Variants in RIN2 observed in about 807,000 individuals in gnomAD.
RIN2 encodes the protein Ras and Rab interactor 2, also known as RAB5 interacting protein 2.
A neutral mutation model predicts 78.0 loss-of-function variants in RIN2; 36 were observed. That is an observed-to-expected ratio of 0.46 (90% CI 0.35 to 0.61). The LOEUF (loss-of-function observed/expected upper bound fraction) is 0.61. Ranked by LOEUF, RIN2 falls within the 20% of genes least tolerant of loss-of-function variation. RIN2 has a pLI of 0.00. For missense variants in RIN2, 1,087 were observed against 1,159.7 expected (o/e 0.94, Z 0.91); for synonymous variants, 466 against 466.8 (o/e 1.00, Z 0.02).
intron 1 of RIN2, among the ~76,000 whole-genome samples, chr20:19,787,529 T>C (rs1196447442): frequency 1.3e-5 from 2 of 151,880 alleles, no homozygotes; most frequent in Non-Finnish European, 2.9e-5. Context: ...TAGTGATTAA[T>C]GTCATGGAGT....
At chr20:19,777,821 T>G (rs554150169) in intron 1 of RIN2, among the ~76,000 whole-genome samples, 36 of 152,324 alleles carry the variant, frequency 2.4e-4, no homozygotes, top group South Asian at 4.1e-4. Flanking sequence ...GCCTTCCTGG[T>G]TTTTTAATTT....
intron 3 of RIN2, among the ~76,000 whole-genome samples, chr20:19,911,416 T>C (rs1033517234): frequency 1.1e-4 from 17 of 152,242 alleles, no homozygotes; most frequent in African/African-American, 3.9e-4. Flanking sequence ...ATATGTAGTC[T>C]GTTTTCTGAA....
At chr20:19,815,722 G>A (rs192664044) in intron 2 of RIN2, among the ~76,000 whole-genome samples, 6 of 152,202 alleles carry the variant, frequency 3.9e-5, no homozygotes, top group Middle Eastern at 3.4e-3. Context: ...ATTCATTGCC[G>A]TTGACTTCCT....
intron 1 of RIN2, among the ~76,000 whole-genome samples, chr20:19,796,209 G>A (rs1446931885): frequency 1.3e-5 from 2 of 152,164 alleles, no homozygotes; most frequent in Non-Finnish European, 2.9e-5. Flanking sequence ...GAAGGATTTG[G>A]TCCATAGTAA....
chr20:19,941,364 A>G (rs1365695042), intron 4 of RIN2, among the ~76,000 whole-genome samples: 1 of 152,190 alleles, frequency 6.6e-6, no homozygotes, highest in Non-Finnish European at 1.5e-5. Flanking sequence ...AAAGATGCCC[A>G]GAGTTCCACT....
chr20:19,962,112 G>A (rs963297256), intron 6 of RIN2, among the ~76,000 whole-genome samples: 5 of 149,802 alleles, frequency 3.3e-5, no homozygotes, highest in Non-Finnish European at 5.9e-5. Context: ...ACCAGCCTGG[G>A]CAACATGGCA....
chr20:19,931,208 T>A (rs569410094), intron 3 of RIN2, among the ~76,000 whole-genome samples: 1 of 152,334 alleles, frequency 6.6e-6, no homozygotes, highest in South Asian at 2.1e-4. Context: ...CCCATACATA[T>A]TAGGATAGCC....
chr20:19,767,991 A>G (rs1178213011), intron 1 of RIN2, among the ~76,000 whole-genome samples: 1 of 151,584 alleles, frequency 6.6e-6, no homozygotes, highest in East Asian at 1.9e-4. Context: ...TGTGACCCAG[A>G]CCCTCTGAGG....
chr20:19,856,208 G>A lies in RIN2; in HGVS notation c.-36-33358G>A, dbSNP rs752765400. ...TTTGCTTTTATTTTCCTTGTAATGC[G>A]CATGGGAAAAACTGTGCATGACGAC... On this transcript the variant is annotated intron_variant, in intron 2 of 12. Coordinates refer to ENST00000255006, the MANE Select transcript of RIN2 (RefSeq NM_018993.4). 5.9e-4 allele frequency among the ~76,000 whole-genome samples: 90 copies of A among 152,122 alleles called. 1 individual carries two copies. The highest frequency in any genetic ancestry group is 1.1e-3 in the Non-Finnish European group (78 of 68,008).
intron 2 of RIN2, among the ~76,000 whole-genome samples, chr20:19,844,297 T>C (rs1272620215): frequency 6.6e-6 from 1 of 152,196 alleles, no homozygotes; most frequent in African/African-American, 2.4e-5. Context: ...TACTAAGATA[T>C]AAGCTAAAGG....
intron 3 of RIN2, among the ~76,000 whole-genome samples, chr20:19,892,718 C>T (rs1199730947): frequency 6.6e-6 from 1 of 152,212 alleles, no homozygotes; most frequent in East Asian, 1.9e-4. Flanking sequence ...TTTGCTGTAA[C>T]AATTATTCCG....
At position 19,878,797 on chromosome 20, in the gene RIN2, A is replaced by G. The variant is rs2037934847; in HGVS notation, c.-36-10769A>G. Among the ~76,000 whole-genome samples the G allele has an allele frequency of 2.0e-5, 3 of 152,126 alleles. No homozygotes were observed. The South Asian group carries it at 6.2e-4, about 32-fold the overall frequency. ...GACCCTCCGTGCTTTACTGTTTTCCATAATCTAATTCTTTTGCTATCATTA... is the reference window on the plus strand; with the variant it reads ...GACCCTCCGTGCTTTACTGTTTTCCGTAATCTAATTCTTTTGCTATCATTA... On this transcript the variant is annotated intron_variant, in intron 2 of 12. Coordinates refer to ENST00000255006, the MANE Select transcript of RIN2 (RefSeq NM_018993.4).
chr20:19,943,194 C>T (rs566845406), intron 4 of RIN2, among the ~76,000 whole-genome samples: 110 of 152,304 alleles, frequency 7.2e-4, no homozygotes, highest in Non-Finnish European at 7.8e-4. Context: ...CTTATTTTTA[C>T]AGGAACAAAT....
At chr20:19,857,718 G>A (rs2037210055) in intron 2 of RIN2, among the ~76,000 whole-genome samples, 1 of 152,072 alleles carries the variant, frequency 6.6e-6, no homozygotes, top group South Asian at 2.1e-4. Context: ...GGATATGGTG[G>A]TACACACCTG....
chr20:19,819,151 C>G (rs2035857925), intron 2 of RIN2, among the ~76,000 whole-genome samples: 1 of 152,200 alleles, frequency 6.6e-6, no homozygotes, highest in Admixed American at 6.5e-5. Flanking sequence ...TAACAAAATA[C>G]CATAGGCTGG....
At chr20:19,778,990 A>G (rs958654357) in intron 1 of RIN2, among the ~76,000 whole-genome samples, 1 of 152,214 alleles carries the variant, frequency 6.6e-6, no homozygotes, top group Non-Finnish European at 1.5e-5. Context: ...TCACTAAGTC[A>G]AAAGGTAGAA....
At chr20:19,875,778 G>C (rs1362792346) in intron 2 of RIN2, among the ~76,000 whole-genome samples, 1 of 152,072 alleles carries the variant, frequency 6.6e-6, no homozygotes, top group East Asian at 1.9e-4. Context: ...GTCCTTTGGT[G>C]TGGGCCTGCA....
chr20:19,848,534 C>CAAAAA (rs11352724), intron 2 of RIN2, among the ~76,000 whole-genome samples: 8 of 52,806 alleles, frequency 1.5e-4, no homozygotes, highest in African/African-American at 2.3e-4. Context: ...GACTCCATCT[C>CAAAAA]AAAAAAAAAA....
chr20:19,814,474 T>C (rs2035703718), intron 2 of RIN2, among the ~76,000 whole-genome samples: 1 of 151,074 alleles, frequency 6.6e-6, no homozygotes, highest in Admixed American at 6.6e-5. Flanking sequence ...TCTAACATCA[T>C]CACTGATTAC....
Sources: allele counts gnomAD v4.1 joint callset (sites outside exome capture counted in the v4.1 genomes callset), GRCh38; gene constraint gnomAD v4.1.1; transcripts MANE v1.5; gene names NCBI Gene and HGNC (gene_info 2026-07-23, HGNC 2026-07-21).